The following COMMD7 variants were observed in gnomAD, a reference collection of about 807,000 sequenced individuals.
The protein encoded by COMMD7 is COMM domain containing 7.
In COMMD7, 28 loss-of-function variants were observed where a neutral mutation model predicts 34.8. The observed-to-expected ratio is 0.80, with a 90% CI of 0.60 to 1.10. The LOEUF (loss-of-function observed/expected upper bound fraction) is 1.10, where lower values mean the gene tolerates loss of function less well. Among genes scored for constraint, COMMD7 ranks in the 50% least tolerant of loss-of-function variants. The pLI is 0.00. For synonymous variants in COMMD7, 80 were observed against 86.4 expected (o/e 0.93, Z 0.41); for missense variants, 211 against 241.6 (o/e 0.87, Z 0.84).
intron 3 of COMMD7, among the ~76,000 whole-genome samples, chr20:32,715,899 C>T (rs1984751045): frequency 1.3e-5 from 2 of 152,180 alleles, no homozygotes; most frequent in African/African-American, 4.8e-5. Flanking sequence ...TCTGTAATCT[C>T]AGCTAGGAGA....
At chr20:32,718,066 G>A (rs1448181074) in intron 3 of COMMD7, among the ~76,000 whole-genome samples, 1 of 149,312 alleles carries the variant, frequency 6.7e-6, no homozygotes, top group Non-Finnish European at 1.5e-5. Flanking sequence ...TCGAGCCTCG[G>A]CGACAGAGCG....
At chr20:32,712,014 GT>G (rs35981127) in intron 3 of COMMD7, among the ~76,000 whole-genome samples, 104,843 of 151,194 alleles carry the variant, frequency 0.69, 37,021 homozygotes, top group Middle Eastern at 0.82. Flanking sequence ...GCTCATGCCT[GT>G]AATCCCAGCA....
Position 32,706,706 on chromosome 20 carries a change from A to G in COMMD7, c.296T>C (p.Leu99Pro). 6.2e-7 allele frequency: 1 copy of G among 1,614,026 alleles called. No homozygotes were observed. Among genetic ancestry groups the G allele is most frequent in the Non-Finnish European group, 8.5e-7 (1 of 1,179,982 alleles). The part of the protein sequence containing the change: ...AKQVQADFIT[L>P]GLSEEKATYF... ...AGCAACCCTGGCCAATGACCTACCC[A>G]GAGTTATGAAATCCGCCTGGACCTG... The change falls in exon 4 of 9, where the codon CTG becomes CCG. Residue 99 changes from leucine (L) to proline (P), a missense_variant and splice_region_variant. By Grantham distance (98) the Leu-to-Pro change is moderately conservative (BLOSUM62 -3). Transcript: ENST00000278980.
chr20:32,703,483 G>A, intron 8 of COMMD7, 25 bp from the exon 9 acceptor site: 1 of 1,606,120 alleles, frequency 6.2e-7, no homozygotes, highest in Non-Finnish European at 8.5e-7. Context: ...TTCAGCTTCA[G>A]ATAAATGTTT....
chr20:32,717,901 A>G (rs1030582573), intron 3 of COMMD7, among the ~76,000 whole-genome samples: 14 of 151,802 alleles, frequency 9.2e-5, no homozygotes, highest in Non-Finnish European at 1.9e-4. Flanking sequence ...CCTGGCTGAC[A>G]TGGTAAAACC....
intron 1 of COMMD7, 105 bp from the exon 2 acceptor site, chr20:32,728,247 C>T (rs1377814776): frequency 2.0e-6 from 2 of 998,720 alleles, no homozygotes; most frequent in African/African-American, 3.2e-5. Flanking sequence ...CAGTAACAGC[C>T]AGGTGTTATG....
At chr20:32,706,135 T>C (rs137996831) in intron 5 of COMMD7, among the ~76,000 whole-genome samples, 2,711 of 149,356 alleles carry the variant, frequency 0.018, 88 homozygotes, top group African/African-American at 0.062. Context: ...GAGGTGGAGG[T>C]TGCAGTGAGC....
intron 1 of COMMD7, among the ~76,000 whole-genome samples, chr20:32,731,691 T>C (rs1985851571): frequency 6.6e-6 from 1 of 152,210 alleles, no homozygotes; most frequent in African/African-American, 2.4e-5. Flanking sequence ...TTATATGGCA[T>C]TGCAGCTTCA....
At chr20:32,716,749 C>T (rs1181409973) in intron 3 of COMMD7, among the ~76,000 whole-genome samples, 37 of 152,200 alleles carry the variant, frequency 2.4e-4, no homozygotes. Flanking sequence ...AGCAACAAAG[C>T]AAGACCCCCA....
rs769713437 is a variant in COMMD7 at position 32,706,620 on chromosome 20, C to A, written c.299G>T (p.Gly100Val). The A allele has an allele frequency of 1.9e-6, 3 of 1,611,944 alleles. No individual in the cohort carries two copies. Among genetic ancestry groups the A allele is most frequent in the Non-Finnish European group, 2.5e-6 (3 of 1,178,306 alleles). Residue 100 changes from glycine to valine, a missense_variant and splice_region_variant, in exon 5 of 9, where the codon GGT becomes GTT. Gly to Val is a moderately radical substitution (Grantham distance 109). Coordinates refer to ENST00000278980, the MANE Select transcript of COMMD7 (RefSeq NM_053041.3). ...GTAAGTGGCTTTCTCCTCACTAAGACCTATAAGAGAACAGAAGGAGATATT... is the reference window on the plus strand; with the variant it reads ...GTAAGTGGCTTTCTCCTCACTAAGAACTATAAGAGAACAGAAGGAGATATT... ...KQVQADFITL[G>V]LSEEKATYFS...
At chr20:32,706,081 C>T (rs1032412511) in intron 5 of COMMD7, among the ~76,000 whole-genome samples, 1 of 151,372 alleles carries the variant, frequency 6.6e-6, no homozygotes, top group Non-Finnish European at 1.5e-5. Context: ...GCCTGTAATC[C>T]CAGCTACTTG....
chr20:32,731,764 G>A (rs551850710), intron 1 of COMMD7, among the ~76,000 whole-genome samples: 130 of 152,214 alleles, frequency 8.5e-4, no homozygotes, highest in African/African-American at 2.9e-3. Flanking sequence ...AACACTCCCC[G>A]CAATGCTTTG....
rs561827712 is a variant in COMMD7 at position 32,710,536 on chromosome 20, G to A, written c.242-3776C>T. On this transcript the variant is annotated intron_variant, in intron 3 of 8. Coordinates refer to ENST00000278980, the MANE Select transcript of COMMD7 (RefSeq NM_053041.3). Reference sequence around the variant, plus strand: ...ACCTGAGCCCAGGGGTTCAAGACCAGTCTGGGCAATACAGGGAGACCCCAT... The same window carrying A: ...ACCTGAGCCCAGGGGTTCAAGACCAATCTGGGCAATACAGGGAGACCCCAT... 1.3e-4 allele frequency among the ~76,000 whole-genome samples: 20 copies of A among 151,500 alleles called. No individual in the cohort carries two copies. In the South Asian group the frequency reaches 2.1e-3, roughly 16 times the overall value.
chr20:32,722,268 A>AAAT (rs1439860367), intron 3 of COMMD7, among the ~76,000 whole-genome samples: 41 of 148,752 alleles, frequency 2.8e-4, no homozygotes, highest in Non-Finnish European at 5.1e-4. Flanking sequence ...AAAAAAAAAA[A>AAAT]GGATACAGTG....
At chr20:32,719,649 TA>T (rs11313338) in intron 3 of COMMD7, among the ~76,000 whole-genome samples, 1 of 150,762 alleles carries the variant, frequency 6.6e-6, no homozygotes, top group African/African-American at 2.4e-5. Context: ...AAACTCCATC[TA>T]AAAAAAAATA....
chr20:32,739,552 G>A lies in COMMD7; in HGVS notation c.84+3756C>T, dbSNP rs1407741007. Among the ~76,000 whole-genome samples the A allele has an allele frequency of 2.8e-5, 4 of 145,062 alleles. No homozygotes were observed. In the East Asian group the frequency reaches 8.5e-4, roughly 31 times the overall value. Reference sequence around the variant, plus strand: ...CCCAGCTACTCGGAAGGCTGAGGCAGGAGAATGGCGTGAACCCGGGAGGTG... The same window carrying A: ...CCCAGCTACTCGGAAGGCTGAGGCAAGAGAATGGCGTGAACCCGGGAGGTG... On this transcript the variant is annotated intron_variant, in intron 1 of 8. Coordinates refer to ENST00000278980, the MANE Select transcript of COMMD7 (RefSeq NM_053041.3).
chr20:32,741,926 G>A (rs895626752), intron 1 of COMMD7, among the ~76,000 whole-genome samples: 6 of 152,096 alleles, frequency 3.9e-5, no homozygotes, highest in African/African-American at 1.2e-4. Context: ...AGTGGCTCAC[G>A]CCTGTAATCC....
chr20:32,728,067 T>C, intron 2 of COMMD7, 22 bp downstream of exon 2: 1 of 1,613,802 alleles, frequency 6.2e-7, no homozygotes, highest in South Asian at 1.1e-5. Context: ...ACCCACTCCC[T>C]AACACAGAAT....
At chr20:32,718,630 C>T (rs919379940) in intron 3 of COMMD7, among the ~76,000 whole-genome samples, 1 of 151,956 alleles carries the variant, frequency 6.6e-6, no homozygotes, top group Non-Finnish European at 1.5e-5. Context: ...ACTCAGGAGG[C>T]GGAGGTTGCA....
Sources: allele counts gnomAD v4.1 joint callset (sites outside exome capture counted in the v4.1 genomes callset), GRCh38; gene constraint gnomAD v4.1.1; transcripts MANE v1.5; gene names NCBI Gene and HGNC (gene_info 2026-07-23, HGNC 2026-07-21).